The following SSBP3 variants were observed in gnomAD, a reference collection of about 807,000 sequenced individuals.
SSBP3 encodes the protein single-stranded DNA-binding protein 3.
Under a neutral mutation model 69.6 loss-of-function variants are expected in SSBP3, and 5 were observed. That is an observed-to-expected ratio of 0.07 (90% CI 0.04 to 0.15). The LOEUF is 0.15. Ranked by LOEUF, SSBP3 falls within the 10% of genes least tolerant of loss-of-function variation. SSBP3 has a pLI of 1.00. For synonymous variants in SSBP3, 196 were observed against 193.4 expected (o/e 1.01, Z -0.11); for missense variants, 312 against 534.0 (o/e 0.58, Z 4.10).
intron 14 of SSBP3, among the ~76,000 whole-genome samples, chr1:54,232,814 C>A (rs961366177): frequency 1.3e-5 from 2 of 152,240 alleles, no homozygotes; most frequent in African/African-American, 2.4e-5. Context: ...AGCCCCTAAC[C>A]GCGAGTGATC....
intron 4 of SSBP3, among the ~76,000 whole-genome samples, chr1:54,334,269 T>C (rs1274404102): frequency 2.0e-5 from 3 of 151,658 alleles, no homozygotes; most frequent in Admixed American, 1.3e-4. Flanking sequence ...GGAGAATCAC[T>C]TGAACCCGGG....
At chr1:54,232,550 T>A (rs1297263063) in intron 14 of SSBP3, among the ~76,000 whole-genome samples, 1 of 152,206 alleles carries the variant, frequency 6.6e-6, no homozygotes, top group African/African-American at 2.4e-5. Context: ...GGCAACATAG[T>A]GAGACCTCAT....
intron 4 of SSBP3, among the ~76,000 whole-genome samples, chr1:54,338,863 A>G (rs1435880644): frequency 6.6e-6 from 1 of 152,206 alleles, no homozygotes; most frequent in African/African-American, 2.4e-5. Context: ...AGGGTATTCT[A>G]AATTATACTT....
intron 9 of SSBP3, among the ~76,000 whole-genome samples, chr1:54,250,110 G>A (rs1407185821): frequency 6.6e-6 from 1 of 152,222 alleles, no homozygotes; most frequent in Non-Finnish European, 1.5e-5. Flanking sequence ...CCCTTCCCTA[G>A]GCAGGCAGCC....
intron 4 of SSBP3, among the ~76,000 whole-genome samples, chr1:54,352,403 G>A (rs569616037): frequency 2.6e-5 from 4 of 152,206 alleles, no homozygotes; most frequent in Admixed American, 1.3e-4. Flanking sequence ...CTGGTAAGGT[G>A]GCTTCTTCAA....
intron 13 of SSBP3, among the ~76,000 whole-genome samples, chr1:54,240,047 G>GTGTGT (rs1553123140): frequency 6.2e-4 from 48 of 77,792 alleles, no homozygotes; most frequent in African/African-American, 2.2e-3. Context: ...ATTGTGATGG[G>GTGTGT]GTGTGTGTGT....
intron 14 of SSBP3, among the ~76,000 whole-genome samples, chr1:54,232,727 C>T (rs1271166762): frequency 4.0e-5 from 6 of 150,740 alleles, no homozygotes; most frequent in African/African-American, 1.2e-4. Context: ...CGAGTGCCTG[C>T]GATTGCAGGC....
At chr1:54,343,239 T>C (rs1346510863) in intron 4 of SSBP3, among the ~76,000 whole-genome samples, 1 of 152,132 alleles carries the variant, frequency 6.6e-6, no homozygotes, top group African/African-American at 2.4e-5. Context: ...GCGTGTCAGG[T>C]GTTTGGCATG....
At chr1:54,241,999 A>G (rs1411930310) in intron 11 of SSBP3, among the ~76,000 whole-genome samples, 165 bp downstream of exon 11, 1 of 152,060 alleles carries the variant, frequency 6.6e-6, no homozygotes. Flanking sequence ...ACCCCTGCAC[A>G]TTACTCCCAG....
chr1:54,245,701 T>C (rs1263216180), intron 9 of SSBP3, among the ~76,000 whole-genome samples: 1 of 152,194 alleles, frequency 6.6e-6, no homozygotes, highest in Non-Finnish European at 1.5e-5. Context: ...GCTCAGGGCA[T>C]GGGCTTCAAG....
At chr1:54,236,214 C>G (rs1644489621) in intron 14 of SSBP3, among the ~76,000 whole-genome samples, 1 of 152,110 alleles carries the variant, frequency 6.6e-6, no homozygotes. Flanking sequence ...CTCCCAGGCT[C>G]AAGCGATTCT....
upstream of SSBP3, among the ~76,000 whole-genome samples, chr1:54,409,066 A>AT (rs1649922360): frequency 6.6e-6 from 1 of 152,140 alleles, no homozygotes; most frequent in African/African-American, 2.4e-5. Context: ...ATTATCCAAA[A>AT]TGTGGTCAGA....
At chr1:54,330,232 G>GT (rs1646383988) in intron 4 of SSBP3, among the ~76,000 whole-genome samples, 1 of 152,116 alleles carries the variant, frequency 6.6e-6, no homozygotes, top group Non-Finnish European at 1.5e-5. Context: ...ATCAATCAAC[G>GT]TGATTACCAC....
At chr1:54,298,521 C>T (rs1234746030) in intron 4 of SSBP3, among the ~76,000 whole-genome samples, 4 of 152,170 alleles carry the variant, frequency 2.6e-5, no homozygotes, top group East Asian at 3.8e-4. Flanking sequence ...AGAGGCCACC[C>T]GGCTCCAGGA....
At chr1:54,399,757 G>A (rs1339564751) in intron 4 of SSBP3, among the ~76,000 whole-genome samples, 1 of 152,160 alleles carries the variant, frequency 6.6e-6, no homozygotes, top group Non-Finnish European at 1.5e-5. Context: ...ACTAGATGAA[G>A]ACTGGAGAAA....
At chr1:54,254,233 G>C (rs2100727929) in intron 7 of SSBP3, among the ~76,000 whole-genome samples, 1 of 152,328 alleles carries the variant, frequency 6.6e-6, no homozygotes, top group South Asian at 2.1e-4. Context: ...ACTGCATGTG[G>C]GGCAAGGCAC....
intron 4 of SSBP3, among the ~76,000 whole-genome samples, chr1:54,334,244 C>T (rs1044608231): frequency 6.6e-6 from 1 of 151,554 alleles, no homozygotes; most frequent in African/African-American, 2.4e-5. Context: ...TCCAGCTACT[C>T]AGGAGGCTGA....
intron 4 of SSBP3, among the ~76,000 whole-genome samples, chr1:54,332,688 A>G (rs1463283015): frequency 3.3e-5 from 5 of 152,122 alleles, no homozygotes; most frequent in African/African-American, 1.2e-4. Flanking sequence ...AGCTCCAAAA[A>G]GGCCACATAA....
At chr1:54,228,541 G>A (rs2297026) in intron 15 of SSBP3, 64 bp from the exon 16 acceptor site, 483,550 of 1,603,038 alleles carry the variant, frequency 0.3, 74,142 homozygotes, top group Non-Finnish European at 0.32. Flanking sequence ...GTCTCCCCTC[G>A]TCCTGGGCTC....
Sources: allele counts gnomAD v4.1 joint callset (sites outside exome capture counted in the v4.1 genomes callset), GRCh38; gene constraint gnomAD v4.1.1; transcripts MANE v1.5; gene names NCBI Gene and HGNC (gene_info 2026-07-23, HGNC 2026-07-21).